Variants in MAN1A2 observed in about 807,000 individuals in gnomAD.
The protein encoded by MAN1A2 is mannosyl-oligosaccharide 1,2-alpha-mannosidase IB.
Under a neutral mutation model 75.7 loss-of-function variants are expected in MAN1A2, and 26 were observed. The ratio of observed to expected loss-of-function variants is 0.34; its 90% CI spans 0.25 to 0.48. The LOEUF is 0.48. Among genes scored for constraint, MAN1A2 ranks in the 20% least tolerant of loss-of-function variants. MAN1A2 has a pLI of 0.99. For missense variants in MAN1A2, 562 were observed against 775.5 expected (o/e 0.72, Z 3.27); for synonymous variants, 247 against 264.6 (o/e 0.93, Z 0.65).
Position 117,368,260 on chromosome 1 carries a change from A to C in MAN1A2, c.77A>C (p.His26Pro). The C allele has an allele frequency of 6.2e-7, 1 of 1,614,148 alleles. No individual in the cohort carries two copies. The highest frequency in any genetic ancestry group is 8.5e-7 in the Non-Finnish European group (1 of 1,180,018). Residue 26 changes from histidine (H) to proline (P), a missense_variant, in exon 1 of 13, where the codon CAT becomes CCT. This residue lies in a region of MAN1A2 where 128 missense variants were observed against 129.8 expected (regional missense o/e 0.99). Transcript: ENST00000356554. The part of the protein sequence containing the change: ...PLNLGPPSFP[H>P]HRATLRLSEK... ...AACCTGGGGCCGCCTTCCTTCCCAC[A>C]TCACAGGGCTACCTTGAGACTTTCT...
intron 1 of MAN1A2, among the ~76,000 whole-genome samples, chr1:117,372,827 A>C (rs1166229472): frequency 6.6e-5 from 10 of 151,876 alleles, no homozygotes; most frequent in South Asian, 6.2e-4. Context: ...AAAAAAAAAA[A>C]CCCAGCTTAT....
intron 5 of MAN1A2, among the ~76,000 whole-genome samples, chr1:117,435,840 C>G (rs1207464202): frequency 6.6e-6 from 1 of 152,118 alleles, no homozygotes; most frequent in Non-Finnish European, 1.5e-5. Context: ...GGCGGATCAC[C>G]TGAGGCTGGG....
rs1651050499 is a variant in MAN1A2, at chr1:117,496,909, A to C, written c.1431A>C (p.Ala477=). 25 of 1,612,508 alleles carry C rather than the reference A, an allele frequency of 1.6e-5. No individual in the cohort carries two copies. Among genetic ancestry groups the C allele is most frequent in the Non-Finnish European group, 2.1e-5 (25 of 1,179,174 alleles). Residue 477 remains alanine, a synonymous_variant, in exon 10 of 13, where the codon GCA becomes GCC. Transcript: ENST00000356554. ...CACTAGGAGCAGATGGTTCCAGAGC[A>C]GATAAAGCTGGTCATTATTTAGAGC... is the stretch of plus-strand genomic sequence containing the variant. The part of the protein sequence containing the change: ...MFALGADGSR[A]DKAGHYLELG...
chr1:117,440,286 G>A (rs934604183), intron 5 of MAN1A2, among the ~76,000 whole-genome samples: 7 of 152,204 alleles, frequency 4.6e-5, no homozygotes, highest in African/African-American at 1.7e-4. Flanking sequence ...CAGGAACCAT[G>A]TATACCATGG....
chr1:117,517,482 A>G (rs1317430039), intron 12 of MAN1A2, among the ~76,000 whole-genome samples: 1 of 152,190 alleles, frequency 6.6e-6, no homozygotes, highest in Non-Finnish European at 1.5e-5. Context: ...CAAAAACTGT[A>G]ATGTTTCAGT....
intron 1 of MAN1A2, among the ~76,000 whole-genome samples, chr1:117,370,490 G>A (rs985223294): frequency 6.6e-6 from 1 of 152,076 alleles, no homozygotes; most frequent in Admixed American, 6.5e-5. Flanking sequence ...ATTTGCTGTT[G>A]TTTACTATAT....
At chr1:117,509,081 T>C (rs1418285158) in intron 12 of MAN1A2, among the ~76,000 whole-genome samples, 3 of 151,024 alleles carry the variant, frequency 2.0e-5, no homozygotes, top group Non-Finnish European at 3.0e-5. Context: ...CCAAAGATCA[T>C]TGAAGAAAAG....
At chr1:117,437,430 C>T (rs920970610) in intron 5 of MAN1A2, among the ~76,000 whole-genome samples, 2 of 151,924 alleles carry the variant, frequency 1.3e-5, no homozygotes, top group African/African-American at 4.8e-5. Flanking sequence ...ATCTGTCATT[C>T]AAGAGGGAAG....
At chr1:117,469,092 G>A (rs1002359510) in intron 8 of MAN1A2, among the ~76,000 whole-genome samples, 2 of 152,108 alleles carry the variant, frequency 1.3e-5, no homozygotes, top group African/African-American at 4.8e-5. Context: ...AGAGTCACTT[G>A]AACCCAGGAG....
intron 5 of MAN1A2, among the ~76,000 whole-genome samples, chr1:117,441,745 A>G (rs190582720): frequency 9.9e-5 from 15 of 152,200 alleles, no homozygotes; most frequent in Admixed American, 9.8e-4. Context: ...ATAACTCTCA[A>G]AGTAAACTTA....
intron 5 of MAN1A2, among the ~76,000 whole-genome samples, chr1:117,431,448 A>G (rs1648657274): frequency 6.6e-6 from 1 of 152,152 alleles, no homozygotes; most frequent in African/African-American, 2.4e-5. Context: ...TTCAACTGAT[A>G]GAATAAGCAG....
chr1:117,496,759 G>A lies in MAN1A2; in HGVS notation c.1285-4G>A, dbSNP rs1651046717. On this transcript the variant is annotated splice_polypyrimidine_tract_variant and splice_region_variant and intron_variant, in intron 9 of 12. Coordinates refer to ENST00000356554, the MANE Select transcript of MAN1A2 (RefSeq NM_006699.5). The stretch of plus-strand genomic sequence containing the variant: ...AAATTTTGAATATCTTTTCTTTCCT[G>A]TAGGCTATAGAAAAACATCTTATTA... 1 of 1,598,812 alleles carries A rather than the reference G, an allele frequency of 6.3e-7. No individual in the cohort carries two copies. Among genetic ancestry groups the A allele is most frequent in the Non-Finnish European group, 8.6e-7 (1 of 1,167,490 alleles).
intron 12 of MAN1A2, among the ~76,000 whole-genome samples, chr1:117,509,084 A>T (rs560767517): frequency 6.6e-6 from 1 of 151,642 alleles, no homozygotes; most frequent in East Asian, 1.9e-4. Flanking sequence ...AAGATCATTG[A>T]AGAAAAGATT....
intron 5 of MAN1A2, among the ~76,000 whole-genome samples, chr1:117,422,560 T>G (rs1648231154): frequency 6.6e-6 from 1 of 152,130 alleles, no homozygotes. Flanking sequence ...AAAAATTGCC[T>G]CTCATTGTTG....
At chr1:117,407,577 C>T (rs2101761615) in intron 3 of MAN1A2, among the ~76,000 whole-genome samples, 1 of 152,108 alleles carries the variant, frequency 6.6e-6, no homozygotes, top group South Asian at 2.1e-4. Context: ...TTTTGTTAGC[C>T]TTGATTATTA....
chr1:117,506,153 C>T lies in MAN1A2; in HGVS notation c.1793+3183C>T, dbSNP rs112264747. 2.2e-3 allele frequency among the ~76,000 whole-genome samples: 326 copies of T among 151,496 alleles called. 1 individual carries two copies. The highest frequency in any genetic ancestry group is 0.017 in the Middle Eastern group (5 of 294). On this transcript the variant is annotated intron_variant, in intron 12 of 12. Coordinates refer to ENST00000356554, the MANE Select transcript of MAN1A2 (RefSeq NM_006699.5). Reference sequence around the variant, plus strand: ...TAAGTATGGTCTCTTAAATATTTCTCAAATATCAGTTAATTTAAATAGGCT... The same window carrying T: ...TAAGTATGGTCTCTTAAATATTTCTTAAATATCAGTTAATTTAAATAGGCT...
At chr1:117,415,461 T>C (rs1647961736) in intron 4 of MAN1A2, among the ~76,000 whole-genome samples, 1 of 152,152 alleles carries the variant, frequency 6.6e-6, no homozygotes, top group African/African-American at 2.4e-5. Context: ...CTTCGTTATT[T>C]AAATTGTGAT....
intron 6 of MAN1A2, 45 bp downstream of exon 6, chr1:117,442,370 CT>C: frequency 7.6e-7 from 1 of 1,318,596 alleles, no homozygotes; most frequent in Non-Finnish European, 1.1e-6. Context: ...TTATTTTGAC[CT>C]TTTTAGTCTT....
rs967621777 is a variant in MAN1A2, at chr1:117,505,029, T to G, written c.1793+2059T>G. ...TTTTTTCTTTTTGTAATTAATAACTTATCTGTGGAGTGATAATTTTGAGAC... is the reference window on the plus strand; with the variant it reads ...TTTTTTCTTTTTGTAATTAATAACTGATCTGTGGAGTGATAATTTTGAGAC... On this transcript the variant is annotated intron_variant, in intron 12 of 12. Coordinates refer to ENST00000356554, the MANE Select transcript of MAN1A2 (RefSeq NM_006699.5). Among the ~76,000 whole-genome samples, 7 of 151,556 alleles carry G rather than the reference T, an allele frequency of 4.6e-5. No homozygotes were observed. The South Asian group carries it at 1.2e-3, about 27-fold the overall frequency.
Sources: gnomAD v4.1 joint callset for allele counts (sites outside exome capture counted in the v4.1 genomes callset) on GRCh38, gnomAD v4.1.1 for gene constraint, gnomAD v4.1.1 regional missense constraint, MANE v1.5 for transcripts, NCBI Gene and HGNC (gene_info 2026-07-23, HGNC 2026-07-21) for gene names.